The following PLEKHA1 variants were observed in gnomAD, a reference collection of about 807,000 sequenced individuals.
PLEKHA1 encodes the protein pleckstrin homology domain containing A1.
In PLEKHA1, 34 loss-of-function variants were observed where a neutral mutation model predicts 52.0. The ratio of observed to expected loss-of-function variants is 0.65; its 90% CI spans 0.50 to 0.87. PLEKHA1 has a LOEUF of 0.87. PLEKHA1 is among the 40% of genes least tolerant of loss of function. The pLI is 0.00. For synonymous variants in PLEKHA1, 163 were observed against 170.7 expected (o/e 0.95, Z 0.35); for missense variants, 497 against 504.2 (o/e 0.99, Z 0.14).
chr10:122,415,796 A>G (rs888077322), intron 6 of PLEKHA1, 63 bp from the exon 7 acceptor site: 3 of 1,451,764 alleles, frequency 2.1e-6, no homozygotes, highest in African/African-American at 2.8e-5. Flanking sequence ...CTACTGGGAT[A>G]ATATGAAATA....
rs187969790 is a variant in PLEKHA1 at position 122,408,772 on chromosome 10, G to A, written c.342+2099G>A. 2.4e-4 allele frequency among the ~76,000 whole-genome samples: 36 copies of A among 152,150 alleles called. 1 individual carries two copies. Among genetic ancestry groups the A allele is most frequent in the Admixed American group, 2.2e-3 (33 of 15,284 alleles). On this transcript the variant is annotated intron_variant, in intron 5 of 11. Transcript: ENST00000368990. Reference sequence around the variant, plus strand: ...TATACATTTAAGTGTATTAAAGTGTGGAATCTCCAATTTGTTATATTTTCC... The same window carrying A: ...TATACATTTAAGTGTATTAAAGTGTAGAATCTCCAATTTGTTATATTTTCC...
At chr10:122,415,543 G>C (rs2097162221) in intron 6 of PLEKHA1, among the ~76,000 whole-genome samples, 1 of 152,172 alleles carries the variant, frequency 6.6e-6, no homozygotes, top group Admixed American at 6.5e-5. Flanking sequence ...CTAGTGAAAG[G>C]GTACATAGGA....
intron 1 of PLEKHA1, among the ~76,000 whole-genome samples, chr10:122,384,051 G>A (rs1209167276): frequency 2.6e-5 from 4 of 151,940 alleles, no homozygotes; most frequent in South Asian, 2.1e-4. Context: ...GCTACATCTC[G>A]GTATGGTTTT....
intron 1 of PLEKHA1, among the ~76,000 whole-genome samples, chr10:122,382,265 A>T (rs767292123): frequency 3.9e-5 from 6 of 152,290 alleles, no homozygotes; most frequent in African/African-American, 1.4e-4. Flanking sequence ...GTACCCTCCT[A>T]TCCTTAGACA....
chr10:122,441,781 A>T, the PLEKHA1 span: 1 of 152,250 alleles, frequency 6.6e-6, no homozygotes, highest in Non-Finnish European at 1.5e-5. Context: ...TGGTTACCAC[A>T]TATAAACACC....
chr10:122,391,844 G>C (rs1011242796), intron 1 of PLEKHA1, among the ~76,000 whole-genome samples: 1 of 151,924 alleles, frequency 6.6e-6, no homozygotes, highest in African/African-American at 2.4e-5. Context: ...TTATTGGATG[G>C]TTTTATTTAA....
downstream of PLEKHA1, chr10:122,432,559 A>C (rs2097423309): frequency 6.8e-6 from 1 of 147,548 alleles, no homozygotes; most frequent in South Asian, 2.2e-4. Context: ...TTTTTTTTTG[A>C]TAGGGGAAAG....
At chr10:122,422,614 C>T (rs545061568) in intron 8 of PLEKHA1, 8 of 152,298 alleles carry the variant, frequency 5.3e-5, no homozygotes, top group African/African-American at 1.9e-4. Flanking sequence ...CTCTGAAAAA[C>T]GAATGAAGAA....
rs777824004 is a variant in PLEKHA1, at chr10:122,412,947, A to C, written c.370A>C (p.Asn124His). 2.0e-5 allele frequency: 33 copies of C among 1,613,410 alleles called. No homozygotes were observed. The highest frequency in any genetic ancestry group is 5.1e-6 in the Non-Finnish European group (6 of 1,179,600). ...ACCAAAGCAGTCAGACTCACAGCCTAATTCTGATAACCTAAGTCGCCATGG... is the reference window on the plus strand; with the variant it reads ...ACCAAAGCAGTCAGACTCACAGCCTCATTCTGATAACCTAAGTCGCCATGG... The part of the protein sequence containing the change: ...TVPKQSDSQP[N>H]SDNLSRHGEC... Residue 124 changes from asparagine (N) to histidine (H), a missense_variant, in exon 6 of 12, where the codon AAT (asparagine) becomes CAT (histidine). Physicochemically the swap from Asn to His is moderately conservative, Grantham distance 68. Transcript: ENST00000368990.
At chr10:122,441,822 A>G in the PLEKHA1 span, 1 of 152,218 alleles carries the variant, frequency 6.6e-6, no homozygotes, top group East Asian at 1.9e-4. Flanking sequence ...GGCAACTGAA[A>G]AGGAAAACGT....
rs749275901 is a variant in PLEKHA1 at position 122,424,177 on chromosome 10, T to TC, written c.682-22_682-21insC. 157 of 1,381,308 alleles carry TC rather than the reference T, an allele frequency of 1.1e-4. No homozygotes were observed. In the East Asian group the frequency reaches 2.7e-3, roughly 24 times the overall value. The allele number at this position is 1,381,308 out of a possible 1,614,324, so 85.6% of individuals were successfully genotyped here. On this transcript the variant is annotated intron_variant, in intron 8 of 11. Coordinates refer to ENST00000368990, the MANE Select transcript of PLEKHA1 (RefSeq NM_001001974.4). ...GAATAAACATCATGTAACTGTTTTT[T>TC]TTTTTTTTTTTTTTTTGCCAGGAAA...
chr10:122,386,317 T>TC (rs1265694034), intron 1 of PLEKHA1, among the ~76,000 whole-genome samples: 2 of 152,096 alleles, frequency 1.3e-5, no homozygotes, highest in African/African-American at 4.8e-5. Flanking sequence ...AGTTTTTTTT[T>TC]TTTACCATTT....
chr10:122,427,160 G>A, intron 11 of PLEKHA1, 129 bp downstream of exon 11: 1 of 810,214 alleles, frequency 1.2e-6, no homozygotes, highest in South Asian at 2.0e-5. Flanking sequence ...TATACCAATT[G>A]GACTTGCAAA....
At chr10:122,435,066 C>A (rs2097433369), downstream of PLEKHA1, 2 of 152,096 alleles carry the variant, frequency 1.3e-5, no homozygotes, top group African/African-American at 4.8e-5. Context: ...AAAAGGAAAT[C>A]CCTTTCTTAG....
At chr10:122,426,722 G>A (rs544486185) in intron 10 of PLEKHA1, among the ~76,000 whole-genome samples, 8 of 152,122 alleles carry the variant, frequency 5.3e-5, no homozygotes, top group Non-Finnish European at 1.2e-4. Context: ...CTGTTGATGG[G>A]TCTGATCTTG....
chr10:122,412,748 A>G, intron 5 of PLEKHA1, 172 bp from the exon 6 acceptor site: 1 of 640,556 alleles, frequency 1.6e-6, no homozygotes. Context: ...ATAAAATATT[A>G]TTCTAACAGA....
rs1348930208 is a variant in PLEKHA1 at position 122,400,385 on chromosome 10, T to C, written c.241T>C (p.Phe81Leu). 6.2e-7 allele frequency: 1 copy of C among 1,607,048 alleles called. No homozygotes were observed. Among genetic ancestry groups the C allele is most frequent in the Non-Finnish European group, 8.5e-7 (1 of 1,177,708 alleles). ...TKLRPKAEFCFVMNAGMRKYF... is the reference protein window; with the variant it reads ...TKLRPKAEFCLVMNAGMRKYF... ...GCTAAGGCCAAAGGCGGAGTTCTGT[T>C]TTGGTAAGTAGCCATGTTATATATA... The change falls in exon 4 of 12, where the codon TTT (phenylalanine) becomes CTT (leucine). Residue 81 changes from phenylalanine (F) to leucine (L), a missense_variant. Physicochemically the swap from Phe to Leu is conservative, Grantham distance 22. Transcript: ENST00000368990.
chr10:122,376,346 A>G (rs72830780), intron 1 of PLEKHA1, among the ~76,000 whole-genome samples: 14,137 of 151,920 alleles, frequency 0.093, 784 homozygotes, highest in Middle Eastern at 0.17. Flanking sequence ...TGATACATTT[A>G]AAAAAGAGTA....
rs2096811279 is a variant in PLEKHA1 at position 122,393,989 on chromosome 10, A to T, written c.141+648A>T. 6.6e-6 allele frequency among the ~76,000 whole-genome samples: 1 copy of T among 152,118 alleles called. No individual in the cohort carries two copies. Among genetic ancestry groups the T allele is most frequent in the African/African-American group, 2.4e-5 (1 of 41,442 alleles). On this transcript the variant is annotated intron_variant, in intron 2 of 11. Coordinates refer to ENST00000368990, the MANE Select transcript of PLEKHA1 (RefSeq NM_001001974.4). The surrounding 1 kb of genome is among the most constrained non-coding windows in gnomAD (Gnocchi z 4.5). ...AACACAGGGGTAAATGCTACAATTT[A>T]AAAAATTGGAATCCCAGCCTTAAGA...
Sources: allele counts gnomAD v4.1 joint callset (sites outside exome capture counted in the v4.1 genomes callset), GRCh38; gene constraint gnomAD v4.1.1; non-coding constraint Gnocchi (gnomAD v3.1); transcripts MANE v1.5; gene names NCBI Gene and HGNC (gene_info 2026-07-23, HGNC 2026-07-21).